The following CSNK1G1 variants were observed in gnomAD, a reference collection of about 807,000 sequenced individuals.
CSNK1G1 encodes casein kinase 1 gamma 1.
CSNK1G1 carries 22 observed loss-of-function variants against 59.6 expected under a neutral mutation model. That is an observed-to-expected ratio of 0.37 (90% CI 0.26 to 0.53). CSNK1G1 has a LOEUF of 0.53. Among genes scored for constraint, CSNK1G1 ranks in the 20% least tolerant of loss-of-function variants. The probability of loss-of-function intolerance (pLI) is 0.89; values close to 1 mark genes in which losing one functional copy is unlikely to be tolerated. For synonymous variants in CSNK1G1, 179 were observed against 177.1 expected, an observed-to-expected ratio of 1.01 and a Z score of -0.08; for missense variants, 384 against 519.5, an observed-to-expected ratio of 0.74 and a Z score of 2.54.
chr15:64,277,538 T>C (rs2140358929), intron 2 of CSNK1G1, among the ~76,000 whole-genome samples: 1 of 146,038 alleles, frequency 6.8e-6, no homozygotes, highest in African/African-American at 2.5e-5. Flanking sequence ...GTTTTCATAT[T>C]GTTATTAATA....
intron 1 of CSNK1G1, among the ~76,000 whole-genome samples, chr15:64,324,528 C>T (rs1326365281): frequency 2.6e-5 from 4 of 152,252 alleles, no homozygotes; most frequent in Admixed American, 6.5e-5. Flanking sequence ...CTTGGACTTA[C>T]ACCAGTGGTT....
chr15:64,181,453 A>G, intron 10 of CSNK1G1: 7 of 1,496,806 alleles, frequency 4.7e-6, no homozygotes, highest in Non-Finnish European at 6.2e-6. Flanking sequence ...AGAGAACACA[A>G]AATAGGATAA....
chr15:64,221,533 A>C (rs1479649776), intron 4 of CSNK1G1, among the ~76,000 whole-genome samples: 1 of 152,048 alleles, frequency 6.6e-6, no homozygotes, highest in Non-Finnish European at 1.5e-5. Context: ...GGGATGCTCA[A>C]AGCAACTTCT....
At chr15:64,199,469 C>A (rs1018099813) in intron 10 of CSNK1G1, among the ~76,000 whole-genome samples, 1 of 152,116 alleles carries the variant, frequency 6.6e-6, no homozygotes, top group Admixed American at 6.6e-5. Flanking sequence ...AGTTTTCAAT[C>A]ATCTCTTTTC....
intron 2 of CSNK1G1, among the ~76,000 whole-genome samples, chr15:64,260,759 A>C (rs1892649346): frequency 6.6e-6 from 1 of 152,100 alleles, no homozygotes; most frequent in South Asian, 2.1e-4. Flanking sequence ...AACAAACAAA[A>C]AAAGCTGCTT....
At chr15:64,270,709 G>A (rs559481977) in intron 2 of CSNK1G1, among the ~76,000 whole-genome samples, 2 of 150,598 alleles carry the variant, frequency 1.3e-5, no homozygotes, top group Non-Finnish European at 2.9e-5. Flanking sequence ...GCAGTGAGCA[G>A]AGATCGTGCC....
intron 1 of CSNK1G1, among the ~76,000 whole-genome samples, chr15:64,327,748 C>T (rs1357939509): frequency 1.4e-5 from 2 of 145,430 alleles, no homozygotes; most frequent in South Asian, 4.5e-4. Flanking sequence ...GACATTCAAA[C>T]CAAAGGCAAA....
intron 2 of CSNK1G1, among the ~76,000 whole-genome samples, chr15:64,291,994 C>A (rs572666547): frequency 6.0e-4 from 91 of 151,880 alleles, no homozygotes; most frequent in African/African-American, 2.1e-3. Flanking sequence ...GTCAGGAGAT[C>A]GAGGCCATCC....
At chr15:64,286,516 T>C (rs1191151100) in intron 2 of CSNK1G1, among the ~76,000 whole-genome samples, 1 of 152,036 alleles carries the variant, frequency 6.6e-6, no homozygotes, top group Non-Finnish European at 1.5e-5. Flanking sequence ...CTAATTATCT[T>C]ATATATTTCT....
At chr15:64,230,896 C>A (rs2082539004) in intron 4 of CSNK1G1, among the ~76,000 whole-genome samples, 1 of 151,990 alleles carries the variant, frequency 6.6e-6, no homozygotes, top group South Asian at 2.1e-4. Context: ...ATGGCATGAA[C>A]CCAGGAGGCA....
intron 2 of CSNK1G1, among the ~76,000 whole-genome samples, chr15:64,282,679 T>C (rs958067378): frequency 6.6e-6 from 1 of 152,242 alleles, no homozygotes; most frequent in Admixed American, 6.5e-5. Flanking sequence ...TTTGTTGACC[T>C]ATTTCTTCAG....
In CSNK1G1 at chr15:64,189,447, C is replaced by T. The variant is rs867398713; in HGVS notation, c.1108-8993G>A. Reference sequence around the variant, plus strand: ...CTGTGCCAGATGGCTGAGTTGTTAACATCATAATGCTCAGCTGTAACAGTC... The same window carrying T: ...CTGTGCCAGATGGCTGAGTTGTTAATATCATAATGCTCAGCTGTAACAGTC... On this transcript the variant is annotated intron_variant, in intron 10 of 11. Transcript: ENST00000303052. The T allele has an allele frequency of 4.6e-6, 6 of 1,291,104 alleles. No individual in the cohort carries two copies. The Admixed American group carries it at 1.4e-4, about 30-fold the overall frequency. The allele number at this position is 1,291,104 out of a possible 1,614,324, so 80.0% of individuals were successfully genotyped here.
intron 4 of CSNK1G1, among the ~76,000 whole-genome samples, chr15:64,233,480 G>C (rs2140294837): frequency 6.6e-6 from 1 of 152,244 alleles, no homozygotes. Context: ...AGAATTTAAA[G>C]AGGCAGGGAA....
intron 2 of CSNK1G1, among the ~76,000 whole-genome samples, chr15:64,287,158 G>A (rs1445862178): frequency 6.6e-6 from 1 of 152,022 alleles, no homozygotes; most frequent in Non-Finnish European, 1.5e-5. Context: ...CTTGGATCTG[G>A]GCTGTAGTTC....
chr15:64,251,739 T>G (rs1014656221), intron 3 of CSNK1G1, among the ~76,000 whole-genome samples, 158 bp from the exon 4 acceptor site: 1 of 152,182 alleles, frequency 6.6e-6, no homozygotes, highest in South Asian at 2.1e-4. Flanking sequence ...TTGGACAGTA[T>G]AGCTAAGAGA....
intron 1 of CSNK1G1, among the ~76,000 whole-genome samples, chr15:64,320,237 A>C (rs1896488058): frequency 6.6e-6 from 1 of 151,912 alleles, no homozygotes; most frequent in Non-Finnish European, 1.5e-5. Flanking sequence ...GGCACACGTC[A>C]AAAAAACAAA....
At chr15:64,289,105 A>G (rs551860793) in intron 2 of CSNK1G1, among the ~76,000 whole-genome samples, 1 of 151,724 alleles carries the variant, frequency 6.6e-6, no homozygotes, top group Admixed American at 6.6e-5. Context: ...ACTTGAACCC[A>G]GGAGATGAAG....
At chr15:64,296,028 T>C (rs1895002196) in intron 2 of CSNK1G1, among the ~76,000 whole-genome samples, 1 of 152,222 alleles carries the variant, frequency 6.6e-6, no homozygotes, top group Non-Finnish European at 1.5e-5. Flanking sequence ...TTCTTCCTTA[T>C]GTCTACCAGC....
At chr15:64,307,016 T>C (rs993148970) in intron 1 of CSNK1G1, among the ~76,000 whole-genome samples, 8 of 138,850 alleles carry the variant, frequency 5.8e-5, no homozygotes, top group Non-Finnish European at 1.2e-4. Flanking sequence ...GCCCAGGGGA[T>C]TTTTAGAGCA....
Sources: gnomAD v4.1 joint callset for allele counts (sites outside exome capture counted in the v4.1 genomes callset) on GRCh38, gnomAD v4.1.1 for gene constraint, MANE v1.5 for transcripts, NCBI Gene and HGNC (gene_info 2026-07-23, HGNC 2026-07-21) for gene names.